NXPH1: variants seen among roughly 807,000 people sequenced by gnomAD.
The protein encoded by NXPH1 is neurexophilin-1.
In NXPH1, 5 loss-of-function variants were observed where a neutral mutation model predicts 23.7. The ratio of observed to expected loss-of-function variants is 0.21; its 90% CI spans 0.11 to 0.44. The LOEUF (loss-of-function observed/expected upper bound fraction) is 0.44, where lower values mean the gene tolerates loss of function less well. Among genes scored for constraint, NXPH1 ranks in the 20% least tolerant of loss-of-function variants. NXPH1 has a pLI of 0.99. For synonymous variants in NXPH1, 144 were observed against 122.2 expected (o/e 1.18, Z -1.18); for missense variants, 324 against 321.6 (o/e 1.01, Z -0.06).
At chr7:8,690,415 G>A (rs1253149323) in intron 2 of NXPH1, 1 of 152,078 alleles carries the variant, frequency 6.6e-6, no homozygotes, top group Non-Finnish European at 1.5e-5. Flanking sequence ...TTCACATGTA[G>A]GTTGCTTTGT....
intron 2 of NXPH1, among the ~76,000 whole-genome samples, chr7:8,707,541 G>A (rs879774375): frequency 6.6e-6 from 1 of 152,144 alleles, no homozygotes; most frequent in South Asian, 2.1e-4. Flanking sequence ...GGAATATGGT[G>A]CTTTCCACTT....
At chr7:8,560,734 T>A (rs28454193) in intron 2 of NXPH1, among the ~76,000 whole-genome samples, 1 of 151,656 alleles carries the variant, frequency 6.6e-6, no homozygotes, top group South Asian at 2.1e-4. Context: ...GGCAGAGTTG[T>A]TGAATTATGT....
At chr7:8,655,576 G>A (rs1403692767) in intron 2 of NXPH1, among the ~76,000 whole-genome samples, 1 of 19,600 alleles carries the variant, frequency 5.1e-5, no homozygotes, top group South Asian at 3.3e-3. Context: ...GCATGTGTGT[G>A]TGTGTGTGTG....
At chr7:8,750,076 C>A (rs1780538287) in intron 2 of NXPH1, among the ~76,000 whole-genome samples, 1 of 152,194 alleles carries the variant, frequency 6.6e-6, no homozygotes, top group African/African-American at 2.4e-5. Context: ...TTCTCTAGAA[C>A]TGACAATTAC....
At chr7:8,540,779 A>G (rs1423752209) in intron 2 of NXPH1, among the ~76,000 whole-genome samples, 1 of 151,738 alleles carries the variant, frequency 6.6e-6, no homozygotes. Context: ...AGTGCCAGCA[A>G]TAGTGCTGGT....
chr7:8,684,014 G>C (rs1821100306), intron 2 of NXPH1, among the ~76,000 whole-genome samples: 1 of 152,116 alleles, frequency 6.6e-6, no homozygotes, highest in Non-Finnish European at 1.5e-5. Flanking sequence ...ATGGAAATTT[G>C]GTGGGGCACA....
At chr7:8,637,124 A>G (rs1820229261) in intron 2 of NXPH1, among the ~76,000 whole-genome samples, 1 of 152,196 alleles carries the variant, frequency 6.6e-6, no homozygotes, top group Non-Finnish European at 1.5e-5. Flanking sequence ...TTTACACTTA[A>G]ATCAAGAAAA....
intron 2 of NXPH1, among the ~76,000 whole-genome samples, chr7:8,483,749 G>C (rs952380910): frequency 6.6e-6 from 1 of 152,136 alleles, no homozygotes; most frequent in African/African-American, 2.4e-5. Context: ...TACTCTTGTA[G>C]CATCTTGGGA....
chr7:8,539,550 C>T (rs541299031), intron 2 of NXPH1, among the ~76,000 whole-genome samples: 1 of 151,788 alleles, frequency 6.6e-6, no homozygotes, highest in African/African-American at 2.4e-5. Flanking sequence ...CTTATCAAGA[C>T]TTTCACAGTG....
Position 8,435,749 on chromosome 7 carries a change from G to A in NXPH1, c.36G>A (p.Leu12=), listed in dbSNP as rs1584152868. 4 of 1,613,810 alleles carry A rather than the reference G, an allele frequency of 2.5e-6. No homozygotes were observed. The highest frequency in any genetic ancestry group is 3.4e-6 in the Non-Finnish European group (4 of 1,179,868). ...QAACWYVLFL[L]QPTVYLVTCA... ...CGTGCTGGTACGTGCTTTTCCTCCT[G>A]CAGCCCACCGTCTACTTGGTAAGTC... The change falls in exon 2 of 3, where the codon CTG becomes CTA. Residue 12 remains leucine, a synonymous_variant. Coordinates refer to ENST00000405863, the MANE Select transcript of NXPH1 (RefSeq NM_152745.3). This position sits in a 1 kb window ranked among gnomAD's most constrained non-coding sequence, Gnocchi z 5.9.
chr7:8,573,385 A>G (rs1818688972), intron 2 of NXPH1, among the ~76,000 whole-genome samples: 1 of 152,124 alleles, frequency 6.6e-6, no homozygotes, highest in Admixed American at 6.6e-5. Flanking sequence ...AACGACATGA[A>G]TGGTCTTGAC....
intron 2 of NXPH1, among the ~76,000 whole-genome samples, chr7:8,471,438 A>G (rs1167582981): frequency 6.6e-6 from 1 of 152,206 alleles, no homozygotes; most frequent in East Asian, 1.9e-4. Flanking sequence ...AGGGTTAAGG[A>G]TGAGTATTAA....
Position 8,497,753 on chromosome 7 carries a change from C to A in NXPH1, c.54+61986C>A, listed in dbSNP as rs553377221. Among the ~76,000 whole-genome samples, 151 of 152,032 alleles carry A rather than the reference C, an allele frequency of 9.9e-4. 4 individuals are homozygous for A. Among genetic ancestry groups the A allele is most frequent in the Non-Finnish European group, 3.8e-4 (26 of 67,996 alleles). On this transcript the variant is annotated intron_variant, in intron 2 of 2. Transcript: ENST00000405863. ...AATTTGTTTAAGTTCTTTGTAGATT[C>A]TGGATATTAGCCCTTTGTCAGATGG...
intron 2 of NXPH1, among the ~76,000 whole-genome samples, chr7:8,466,677 A>G (rs1310702365): frequency 6.6e-6 from 1 of 152,154 alleles, no homozygotes; most frequent in Non-Finnish European, 1.5e-5. Context: ...TTGTGATATT[A>G]CTCATATTAC....
rs183607375 is a variant in NXPH1, at chr7:8,659,559, A to G, written c.55-91449A>G. Among the ~76,000 whole-genome samples, 1,444 of 152,258 alleles carry G rather than the reference A, an allele frequency of 9.5e-3. 20 individuals are homozygous for G. Among genetic ancestry groups the G allele is most frequent in the African/African-American group, 0.032 (1,338 of 41,526 alleles). On this transcript the variant is annotated intron_variant, in intron 2 of 2. Transcript: ENST00000405863. ...AGAACACTTGGACACAGGAAGGGGA[A>G]CATCACACACCGGGGCCTGTCGTGG...
intron 2 of NXPH1, among the ~76,000 whole-genome samples, chr7:8,580,035 C>T (rs978386862): frequency 6.6e-5 from 10 of 152,192 alleles, no homozygotes; most frequent in Admixed American, 2.0e-4. Flanking sequence ...TCCACAACTA[C>T]TTTTGGCCAA....
intron 2 of NXPH1, among the ~76,000 whole-genome samples, chr7:8,654,195 C>CT (rs569437353): frequency 7.2e-4 from 107 of 148,162 alleles, no homozygotes; most frequent in Middle Eastern, 3.5e-3. Flanking sequence ...AGTGTTGAAA[C>CT]TTTTTTTTTT....
intron 2 of NXPH1, among the ~76,000 whole-genome samples, chr7:8,460,256 C>T (rs1402336339): frequency 1.3e-5 from 2 of 152,044 alleles, no homozygotes; most frequent in African/African-American, 4.8e-5. Flanking sequence ...TTATTATTTA[C>T]TAATTTTGTA....
At chr7:8,727,852 T>C (rs1226254698) in intron 2 of NXPH1, among the ~76,000 whole-genome samples, 1 of 151,982 alleles carries the variant, frequency 6.6e-6, no homozygotes, top group Non-Finnish European at 1.5e-5. Flanking sequence ...AACTTTAAAG[T>C]AGTTTTTTCC....
Sources: allele counts gnomAD v4.1 joint callset (sites outside exome capture counted in the v4.1 genomes callset), GRCh38; gene constraint gnomAD v4.1.1; non-coding constraint Gnocchi (gnomAD v3.1); transcripts MANE v1.5; gene names NCBI Gene and HGNC (gene_info 2026-07-23, HGNC 2026-07-21).